The following KCNH7 variants were observed in gnomAD, a reference collection of about 807,000 sequenced individuals.
KCNH7 encodes voltage-gated inwardly rectifying potassium channel KCNH7.
In KCNH7, 49 loss-of-function variants were observed where a neutral mutation model predicts 120.8. That is an observed-to-expected ratio of 0.41 (90% CI 0.32 to 0.51). The LOEUF is 0.51. Ranked by LOEUF, KCNH7 falls within the 20% of genes least tolerant of loss-of-function variation. KCNH7 has a pLI of 0.38. For synonymous variants in KCNH7, 547 were observed against 516.1 expected (o/e 1.06, Z -0.81); for missense variants, 1,097 against 1,446.6 (o/e 0.76, Z 3.92).
At chr2:162,511,480 C>CAAAA (rs34204046) in intron 5 of KCNH7, among the ~76,000 whole-genome samples, 2 of 96,004 alleles carry the variant, frequency 2.1e-5, no homozygotes, top group Admixed American at 1.1e-4. Context: ...GTGGACAGGT[C>CAAAA]AAAAAAAAAA....
chr2:162,426,716 A>G (rs1687876704), intron 8 of KCNH7, among the ~76,000 whole-genome samples: 1 of 152,144 alleles, frequency 6.6e-6, no homozygotes, highest in Non-Finnish European at 1.5e-5. Flanking sequence ...AATAAAATAA[A>G]TTTTATTGAT....
intron 2 of KCNH7, among the ~76,000 whole-genome samples, chr2:162,758,956 A>G (rs867101318): frequency 1.3e-5 from 2 of 152,288 alleles, no homozygotes; most frequent in South Asian, 2.1e-4. Context: ...AAAGGATGAC[A>G]TAAATAATAT....
At chr2:162,398,986 G>A (rs1008615946) in intron 10 of KCNH7, among the ~76,000 whole-genome samples, 1 of 151,782 alleles carries the variant, frequency 6.6e-6, no homozygotes, top group Admixed American at 6.6e-5. Flanking sequence ...ATGTATTTGA[G>A]TCTGTGCCAT....
chr2:162,581,855 T>C (rs981115298), intron 2 of KCNH7, among the ~76,000 whole-genome samples: 18 of 152,036 alleles, frequency 1.2e-4, no homozygotes, highest in African/African-American at 3.9e-4. Flanking sequence ...ATGCCTGAAA[T>C]CTTGTTGCTA....
chr2:162,512,534 C>T (rs1442297949), intron 5 of KCNH7, 120 bp downstream of exon 5: 1 of 776,990 alleles, frequency 1.3e-6, no homozygotes, highest in Non-Finnish European at 2.1e-6. Flanking sequence ...CCAGGCACCC[C>T]AAATAGCTAA....
At chr2:162,810,603 C>T (rs1014700335) in intron 2 of KCNH7, among the ~76,000 whole-genome samples, 1 of 152,192 alleles carries the variant, frequency 6.6e-6, no homozygotes, top group African/African-American at 2.4e-5. Context: ...GCTCTCAGTC[C>T]GCATTACCTT....
chr2:162,422,657 G>A (rs1220157855), intron 9 of KCNH7, among the ~76,000 whole-genome samples: 1 of 152,058 alleles, frequency 6.6e-6, no homozygotes, highest in East Asian at 1.9e-4. Context: ...TGATTTTTGA[G>A]CAGTGATACA....
At chr2:162,731,105 C>G (rs1398975848) in intron 2 of KCNH7, among the ~76,000 whole-genome samples, 1 of 151,280 alleles carries the variant, frequency 6.6e-6, no homozygotes, top group Admixed American at 6.6e-5. Context: ...AGAAACATCT[C>G]TATCAGAAAA....
In KCNH7 at chr2:162,633,510, C is replaced by T. The variant is rs1306525969; in HGVS notation, c.308-96430G>A. Reference sequence around the variant, plus strand: ...TGTTAGTTGTTATCTATGTTATTTACTTTCTTTAAAGTTTAGTATGCTTTC... The same window carrying T: ...TGTTAGTTGTTATCTATGTTATTTATTTTCTTTAAAGTTTAGTATGCTTTC... On this transcript the variant is annotated intron_variant, in intron 2 of 15. Transcript: ENST00000332142. Among the ~76,000 whole-genome samples the T allele has an allele frequency of 2.0e-5, 3 of 150,168 alleles. No homozygotes were observed. The East Asian group carries it at 6.0e-4, about 30-fold the overall frequency.
At chr2:162,609,333 A>G (rs1337651043) in intron 2 of KCNH7, among the ~76,000 whole-genome samples, 4 of 152,198 alleles carry the variant, frequency 2.6e-5, no homozygotes, top group East Asian at 1.9e-4. Context: ...ATACTTCATA[A>G]TGAGGTAATA....
intron 2 of KCNH7, among the ~76,000 whole-genome samples, chr2:162,634,219 A>C (rs1401170217): frequency 6.6e-6 from 1 of 152,066 alleles, no homozygotes; most frequent in Non-Finnish European, 1.5e-5. Flanking sequence ...TAATCATTTT[A>C]AAGCACTATT....
intron 2 of KCNH7, among the ~76,000 whole-genome samples, chr2:162,632,017 C>G (rs1683785322): frequency 2.0e-5 from 3 of 151,770 alleles, no homozygotes; most frequent in African/African-American, 7.3e-5. Context: ...ATATGTAGGT[C>G]TTATTCATTT....
At chr2:162,382,746 C>T (rs1321470124) in intron 13 of KCNH7, among the ~76,000 whole-genome samples, 1 of 151,948 alleles carries the variant, frequency 6.6e-6, no homozygotes, top group Non-Finnish European at 1.5e-5. Context: ...ACAAGTCACA[C>T]ATTGCATATT....
chr2:162,547,757 G>A (rs971806494), intron 2 of KCNH7, among the ~76,000 whole-genome samples: 2 of 138,546 alleles, frequency 1.4e-5, no homozygotes, highest in East Asian at 2.4e-4. Context: ...CTATTAATAG[G>A]TGATGTCACA....
chr2:162,602,297 G>A (rs1331854189), intron 2 of KCNH7, among the ~76,000 whole-genome samples: 1 of 151,998 alleles, frequency 6.6e-6, no homozygotes, highest in Non-Finnish European at 1.5e-5. Context: ...CTGGAAGGTT[G>A]TTTAACAAGT....
At chr2:162,407,870 G>T (rs1262828771) in intron 9 of KCNH7, among the ~76,000 whole-genome samples, 3 of 151,992 alleles carry the variant, frequency 2.0e-5, no homozygotes, top group Non-Finnish European at 2.9e-5. Flanking sequence ...GTGATGAAAA[G>T]AATAATTTAA....
intron 2 of KCNH7, among the ~76,000 whole-genome samples, chr2:162,601,399 C>CTTTTTTTGTTTT (rs1694548947): frequency 1.0e-4 from 1 of 9,602 alleles, no homozygotes; most frequent in Non-Finnish European, 1.7e-4. Flanking sequence ...ACTTCTTGTG[C>CTTTTTTTGTTTT]TTTTTTTTTT....
At chr2:162,820,033 C>CTTTT (rs66809770) in intron 2 of KCNH7, among the ~76,000 whole-genome samples, 3,727 of 76,984 alleles carry the variant, frequency 0.048, 143 homozygotes, top group South Asian at 0.086. Context: ...ATTCCATAAA[C>CTTTT]TTTTTTTTTT....
chr2:162,699,391 T>C (rs78502309), intron 2 of KCNH7, among the ~76,000 whole-genome samples: 3,271 of 152,284 alleles, frequency 0.021, 136 homozygotes, highest in African/African-American at 0.073. Flanking sequence ...TCATTATGTG[T>C]ACTTGCAGTT....
Sources: allele counts gnomAD v4.1 joint callset (sites outside exome capture counted in the v4.1 genomes callset), GRCh38; gene constraint gnomAD v4.1.1; transcripts MANE v1.5; gene names NCBI Gene and HGNC (gene_info 2026-07-23, HGNC 2026-07-21).